KDR: variants seen among roughly 807,000 people sequenced by gnomAD.
KDR encodes kinase insert domain receptor.
KDR carries 43 observed loss-of-function variants against 160.9 expected under a neutral mutation model. The observed-to-expected ratio is 0.27, with a 90% CI of 0.21 to 0.34. KDR has a LOEUF of 0.34. KDR is among the 10% of genes least tolerant of loss of function. The pLI is 1.00. For missense variants in KDR, 1,469 were observed against 1,666.4 expected (o/e 0.88, Z 2.06); for synonymous variants, 617 against 600.1 (o/e 1.03, Z -0.41).
In KDR at chr4:55,079,578, T is replaced by C. The variant is rs1719676532; in HGVS notation, c.*363A>G. ...CACTTACATTGCCTGGTTTATCTTC[T>C]AGTTTTACAGAAGTGTCAGCTCCCC... On this transcript the variant is annotated 3_prime_UTR_variant, in exon 30 of 30. Transcript: ENST00000263923. The C allele has an allele frequency of 2.5e-6, 1 of 396,076 alleles. No individual in the cohort carries two copies. The highest frequency in any genetic ancestry group is 3.2e-5 in the South Asian group (1 of 31,412). The allele number at this position is 396,076 out of a possible 1,614,324, so 24.5% of individuals were successfully genotyped here. A position where few individuals can be genotyped will look rare whatever the true frequency, so the allele number is the denominator to read the frequency against.
At chr4:55,117,203 C>T (rs990021754) in intron 3 of KDR, among the ~76,000 whole-genome samples, 2 of 152,184 alleles carry the variant, frequency 1.3e-5, no homozygotes, top group African/African-American at 4.8e-5. Context: ...CAAACCACCA[C>T]CCAGCCTCTC....
intron 9 of KDR, among the ~76,000 whole-genome samples, chr4:55,109,516 G>C (rs1444956951): frequency 6.6e-6 from 1 of 152,142 alleles, no homozygotes; most frequent in African/African-American, 2.4e-5. Context: ...CGTACCAGAA[G>C]GGGGAACAAA....
intron 12 of KDR, among the ~76,000 whole-genome samples, chr4:55,105,593 G>A (rs1720428047): frequency 6.6e-6 from 1 of 152,158 alleles, no homozygotes; most frequent in Non-Finnish European, 1.5e-5. Context: ...CAGAGCTTGT[G>A]GTTTAAAGCA....
At position 55,088,970 on chromosome 4, in the gene KDR, G is replaced by A. The variant is rs1241588145; in HGVS notation, c.3408C>T (p.Tyr1136=). The part of the protein sequence containing the change: ...RAPDYTTPEM[Y]QTMLDCWHGE... ...CGTGCCAGCAGTCCAGCATGGTCTG[G>A]TACCTAGAGAAGCAAAACACTGATT... Residue 1136 remains tyrosine, a synonymous_variant, in exon 26 of 30, where the codon TAC becomes TAT. Coordinates refer to ENST00000263923, the MANE Select transcript of KDR (RefSeq NM_002253.4). The A allele has an allele frequency of 6.2e-7, 1 of 1,610,476 alleles. No individual in the cohort carries two copies.
At chr4:55,082,738 A>G (rs998001986) in intron 27 of KDR, 103 bp from the exon 28 acceptor site, 16 of 818,230 alleles carry the variant, frequency 2.0e-5, no homozygotes, top group South Asian at 1.3e-4. Context: ...AGCAACCTTC[A>G]AAACATCCTT....
intron 1 of KDR, among the ~76,000 whole-genome samples, chr4:55,122,356 T>A (rs115694463): frequency 6.6e-6 from 1 of 152,144 alleles, no homozygotes; most frequent in Non-Finnish European, 1.5e-5. Flanking sequence ...AAAAAAGTAA[T>A]TGATGTTGGG....
At position 55,125,331 on chromosome 4, in the gene KDR, G is replaced by A. The variant is rs750077968; in HGVS notation, c.-38C>T. 1.3e-6 allele frequency: 2 copies of A among 1,588,912 alleles called. No homozygotes were observed. Among genetic ancestry groups the A allele is most frequent in the South Asian group, 2.3e-5 (2 of 87,506 alleles). ...GCCGGGCGAAATGCCCAGAACTCGG[G>A]AGCCGGTTCTTTCTCCCAGCGCCTG... On this transcript the variant is annotated 5_prime_UTR_variant, in exon 1 of 30. Coordinates refer to ENST00000263923, the MANE Select transcript of KDR (RefSeq NM_002253.4).
At position 55,096,240 on chromosome 4, in the gene KDR, G is replaced by T; in HGVS notation, c.2717C>A (p.Thr906Asn). The change falls in exon 19 of 30, where the codon ACC (threonine) becomes AAC (asparagine). Residue 906 changes from threonine to asparagine, a missense_variant. Transcript: ENST00000263923. ...LNVVNLLGAC[T>N]KPGGPLMVIV... ...CCACAGTTACTCACCTCCTGGCTTGGTACAGGCACCTAGAAGGTTGACCAC... is the reference window on the plus strand; with the variant it reads ...CCACAGTTACTCACCTCCTGGCTTGTTACAGGCACCTAGAAGGTTGACCAC... 1 of 1,609,248 alleles carries T rather than the reference G, an allele frequency of 6.2e-7. No individual in the cohort carries two copies. Among genetic ancestry groups the T allele is most frequent in the Non-Finnish European group, 8.5e-7 (1 of 1,176,036 alleles).
rs1719638197 is a variant in KDR, at chr4:55,078,492, C to T, written c.*1449G>A. 3 of 232,098 alleles carry T rather than the reference C, an allele frequency of 1.3e-5. No homozygotes were observed. The highest frequency in any genetic ancestry group is 2.6e-5 in the Non-Finnish European group (3 of 117,406). 14.4% of individuals were successfully genotyped at this position (232,098 alleles called of 1,614,324 possible). On this transcript the variant is annotated 3_prime_UTR_variant, in exon 30 of 30. Transcript: ENST00000263923. Reference sequence around the variant, plus strand: ...TGCAAAGGGATTCCTTCAAGTTTTTCAATGTTCTTTAATAAAATGACATCA... The same window carrying T: ...TGCAAAGGGATTCCTTCAAGTTTTTTAATGTTCTTTAATAAAATGACATCA...
intron 12 of KDR, among the ~76,000 whole-genome samples, 194 bp downstream of exon 12, chr4:55,105,638 C>T (rs1002928409): frequency 3.9e-5 from 6 of 152,166 alleles, no homozygotes; most frequent in African/African-American, 1.4e-4. Flanking sequence ...TGTAGTTAGA[C>T]GCACTGACTT....
chr4:55,088,509 G>T (rs1578127596), intron 26 of KDR, among the ~76,000 whole-genome samples: 1 of 152,156 alleles, frequency 6.6e-6, no homozygotes, highest in African/African-American at 2.4e-5. Flanking sequence ...TAGCTTAGAT[G>T]TATTTTTGCC....
In KDR at chr4:55,079,777, G is replaced by T; in HGVS notation, c.*164C>A. ...ATTCTTGGGTCACAAGCCTCTTCCAGGATATGCCTAGAAGACTGGCTCCCT... is the reference window on the plus strand; with the variant it reads ...ATTCTTGGGTCACAAGCCTCTTCCATGATATGCCTAGAAGACTGGCTCCCT... On this transcript the variant is annotated 3_prime_UTR_variant, in exon 30 of 30. Coordinates refer to ENST00000263923, the MANE Select transcript of KDR (RefSeq NM_002253.4). 1 of 678,318 alleles carries T rather than the reference G, an allele frequency of 1.5e-6. No individual in the cohort carries two copies. Among genetic ancestry groups the T allele is most frequent in the Non-Finnish European group, 2.7e-6 (1 of 376,068 alleles). The allele number at this position is 678,318 out of a possible 1,614,324, so 42.0% of individuals were successfully genotyped here.
chr4:55,080,292 G>A (rs1334255496), intron 29 of KDR, 129 bp from the exon 30 acceptor site: 1 of 784,866 alleles, frequency 1.3e-6, no homozygotes, highest in Non-Finnish European at 2.2e-6. Flanking sequence ...ATCTCTCCCA[G>A]TTGTTAATCA....
intron 2 of KDR, among the ~76,000 whole-genome samples, chr4:55,119,427 T>A (rs1342489992): frequency 6.6e-6 from 1 of 152,212 alleles, no homozygotes; most frequent in Non-Finnish European, 1.5e-5. Context: ...AATGCCTTTA[T>A]GGAACCTCAG....
At chr4:55,116,456 C>T (rs2110032807) in intron 3 of KDR, among the ~76,000 whole-genome samples, 1 of 148,174 alleles carries the variant, frequency 6.7e-6, no homozygotes, top group East Asian at 2.0e-4. Flanking sequence ...GCCAATCAAA[C>T]ATTACTCATA....
intron 10 of KDR, 38 bp from the exon 11 acceptor site, chr4:55,106,848 T>C (rs762136180): frequency 4.5e-5 from 71 of 1,577,178 alleles, no homozygotes; most frequent in Non-Finnish European, 5.7e-5. Flanking sequence ...TATGATTTAA[T>C]TTTTCTTTAA....
In KDR at chr4:55,104,215, T is replaced by C. The variant is rs1364551781; in HGVS notation, c.1987+428A>G. Among the ~76,000 whole-genome samples, 3 of 152,180 alleles carry C rather than the reference T, an allele frequency of 2.0e-5. No homozygotes were observed. The East Asian group carries it at 5.8e-4, about 29-fold the overall frequency. On this transcript the variant is annotated intron_variant, in intron 13 of 29. Transcript: ENST00000263923. ...GGAGCAAAACAGAGAACAATTCCTG[T>C]TCTCATGGACACAGAGACCTCACTG...
At position 55,079,331 on chromosome 4, in the gene KDR, G is replaced by A. The variant is rs367562624; in HGVS notation, c.*610C>T. 7 of 237,588 alleles carry A rather than the reference G, an allele frequency of 2.9e-5. No individual in the cohort carries two copies. In the South Asian group the frequency reaches 6.9e-4, roughly 23 times the overall value. The allele number at this position is 237,588 out of a possible 1,614,324, so 14.7% of individuals were successfully genotyped here. On this transcript the variant is annotated 3_prime_UTR_variant, in exon 30 of 30. Transcript: ENST00000263923. ...GCAACCTTCTAAAACCAGAAACCCCGTCTGAACCCTTTACATTTCAGAACA... is the reference window on the plus strand; with the variant it reads ...GCAACCTTCTAAAACCAGAAACCCCATCTGAACCCTTTACATTTCAGAACA...
In KDR at chr4:55,092,687, A is replaced by T. The variant is rs1313563950; in HGVS notation, c.2999T>A (p.Leu1000Gln). 6.2e-7 allele frequency: 1 copy of T among 1,613,900 alleles called. No individual in the cohort carries two copies. Among genetic ancestry groups the T allele is most frequent in the East Asian group, 2.2e-5 (1 of 44,874 alleles). ...GTAACAGATGAGATGCTCCAAGGTC[A>T]GGAAGTCCTTATACAGATCTTCAGG... The part of the protein sequence containing the change: ...EAPEDLYKDF[L>Q]TLEHLICYSF... Residue 1000 changes from leucine (L) to glutamine (Q), a missense_variant, in exon 22 of 30, where the codon CTG (leucine) becomes CAG (glutamine). This residue lies in a region of KDR where 151 missense variants were observed against 207.2 expected (regional missense o/e 0.73). Transcript: ENST00000263923.
Sources: gnomAD v4.1 joint callset for allele counts (sites outside exome capture counted in the v4.1 genomes callset) on GRCh38, gnomAD v4.1.1 for gene constraint, gnomAD v4.1.1 regional missense constraint, MANE v1.5 for transcripts, NCBI Gene and HGNC (gene_info 2026-07-23, HGNC 2026-07-21) for gene names.